MKX: variants seen among roughly 807,000 people sequenced by gnomAD.
The protein encoded by MKX is homeobox protein Mohawk.
In MKX, 13 loss-of-function variants were observed where a neutral mutation model predicts 36.0. The observed-to-expected ratio is 0.36, with a 90% CI of 0.24 to 0.57. The LOEUF (loss-of-function observed/expected upper bound fraction) is 0.57, where lower values mean the gene tolerates loss of function less well. Among genes scored for constraint, MKX ranks in the 20% least tolerant of loss-of-function variants. The pLI is 0.79. For missense variants in MKX, 458 were observed against 456.4 expected (o/e 1.00, Z -0.03); for synonymous variants, 176 against 178.3 (o/e 0.99, Z 0.10).
At chr10:27,713,623 C>G (rs1003891891) in intron 5 of MKX, among the ~76,000 whole-genome samples, 2 of 152,138 alleles carry the variant, frequency 1.3e-5, no homozygotes, top group Non-Finnish European at 2.9e-5. Flanking sequence ...GAATAATTAT[C>G]CTTATTTTTA....
intron 5 of MKX, among the ~76,000 whole-genome samples, chr10:27,693,753 G>A (rs1033435634): frequency 5.3e-5 from 8 of 152,010 alleles, no homozygotes; most frequent in African/African-American, 1.7e-4. Flanking sequence ...TACTTCTGGG[G>A]GATTAAAAGC....
At chr10:27,714,884 G>C (rs1836936410) in intron 5 of MKX, among the ~76,000 whole-genome samples, 1 of 152,160 alleles carries the variant, frequency 6.6e-6, no homozygotes, top group South Asian at 2.1e-4. Flanking sequence ...TATTTTCTGT[G>C]GATTTACAGA....
chr10:27,706,218 C>A (rs1319493992), intron 5 of MKX, among the ~76,000 whole-genome samples: 1 of 152,086 alleles, frequency 6.6e-6, no homozygotes, highest in Non-Finnish European at 1.5e-5. Context: ...TTTCCTTCCT[C>A]TTTAAGGCTG....
intron 5 of MKX, among the ~76,000 whole-genome samples, chr10:27,728,239 C>T (rs1331185516): frequency 6.6e-6 from 1 of 152,238 alleles, no homozygotes; most frequent in Non-Finnish European, 1.5e-5. Context: ...GGTAGACTTA[C>T]TGGTCAACAA....
At chr10:27,679,741 T>C (rs1387094308) in intron 5 of MKX, among the ~76,000 whole-genome samples, 2 of 152,092 alleles carry the variant, frequency 1.3e-5, no homozygotes, top group Admixed American at 1.3e-4. Context: ...TTTAGAGAAC[T>C]GATATCATTT....
chr10:27,728,721 C>T (rs1242879299), intron 5 of MKX, among the ~76,000 whole-genome samples: 1 of 152,154 alleles, frequency 6.6e-6, no homozygotes, highest in African/African-American at 2.4e-5. Context: ...AACTCATGAG[C>T]ATATCTAGAT....
At chr10:27,711,728 C>T (rs546181311) in intron 5 of MKX, among the ~76,000 whole-genome samples, 1 of 150,016 alleles carries the variant, frequency 6.7e-6, no homozygotes, top group African/African-American at 2.5e-5. Context: ...CGCCCACCGC[C>T]GTGCTCAGCT....
intron 5 of MKX, among the ~76,000 whole-genome samples, chr10:27,677,305 C>CTG (rs1836171152): frequency 6.6e-6 from 1 of 152,016 alleles, no homozygotes; most frequent in African/African-American, 2.4e-5. Context: ...CCTTTTACGC[C>CTG]CCCTGCCCCT....
At chr10:27,702,235 C>A (rs1836671391) in intron 5 of MKX, among the ~76,000 whole-genome samples, 1 of 152,164 alleles carries the variant, frequency 6.6e-6, no homozygotes, top group Admixed American at 6.5e-5. Flanking sequence ...GCTGGAAAAA[C>A]AACTTTCCCA....
Position 27,743,376 on chromosome 10 carries a change from G to A in MKX, c.40C>T (p.Leu14=). 6.4e-7 allele frequency: 1 copy of A among 1,573,584 alleles called. No homozygotes were observed. Among genetic ancestry groups the A allele is most frequent in the Admixed American group, 1.9e-5 (1 of 54,016 alleles). ...TCCGAGGCGCCTCCGTCCTCAAACA[G>A]CACCGCACCGCTGAGCTTGTTGAAG... The part of the protein sequence containing the change: ...IVFNKLSGAV[L]FEDGGASERE... The change falls in exon 2 of 7, where the codon CTG becomes TTG. Residue 14 remains leucine, a synonymous_variant. Coordinates refer to ENST00000419761, the MANE Select transcript of MKX (RefSeq NM_173576.3).
chr10:27,698,665 G>C (rs1001063969), intron 5 of MKX, among the ~76,000 whole-genome samples: 2 of 152,202 alleles, frequency 1.3e-5, no homozygotes, highest in Admixed American at 6.5e-5. Context: ...GATGTGTTGA[G>C]AGTATGTGGT....
chr10:27,678,855 T>G (rs1022400878), intron 5 of MKX, among the ~76,000 whole-genome samples: 2 of 152,172 alleles, frequency 1.3e-5, no homozygotes, highest in Non-Finnish European at 2.9e-5. Context: ...ATTATAAAAT[T>G]CTGCTTACTC....
chr10:27,676,471 AG>A (rs1164977872), intron 5 of MKX, among the ~76,000 whole-genome samples: 1 of 147,668 alleles, frequency 6.8e-6, no homozygotes, highest in East Asian at 2.0e-4. Context: ...TCCACCTCCC[AG>A]GTTCAAGCAA....
chr10:27,684,105 C>G (rs988360105), intron 5 of MKX, among the ~76,000 whole-genome samples: 1 of 151,800 alleles, frequency 6.6e-6, no homozygotes, highest in South Asian at 2.1e-4. Flanking sequence ...CTTGAGCCCA[C>G]GAGTTTGAGA....
rs200548669 is a variant in MKX, at chr10:27,743,237, C to T, written c.179G>A (p.Arg60Gln). 1.3e-6 allele frequency: 2 copies of T among 1,514,528 alleles called. No homozygotes were observed. The highest frequency in any genetic ancestry group is 8.8e-7 in the Non-Finnish European group (1 of 1,138,158). The allele number at this position is 1,514,528 out of a possible 1,614,324, so 93.8% of individuals were successfully genotyped here. ...PLKDNLGLRH[R>Q]RTGARQNGGK... ...AGGGGAGTGCGCATACCCGGTCCTC[C>T]GGTGTCTCAGGCCGAGGTTGTCCTT... The change falls in exon 2 of 7, where the codon CGG becomes CAG. Residue 60 changes from arginine to glutamine, a missense_variant. This residue lies in a region of MKX where 149 missense variants were observed against 114.3 expected (regional missense o/e 1.30). Transcript: ENST00000419761.
At chr10:27,724,222 T>C (rs1183755411) in intron 5 of MKX, among the ~76,000 whole-genome samples, 1 of 152,124 alleles carries the variant, frequency 6.6e-6, no homozygotes, top group Non-Finnish European at 1.5e-5. Flanking sequence ...GAACACAGTG[T>C]GTAAAAGATG....
intron 5 of MKX, among the ~76,000 whole-genome samples, chr10:27,688,576 C>T (rs1477032655): frequency 6.6e-6 from 1 of 152,162 alleles, no homozygotes; most frequent in African/African-American, 2.4e-5. Context: ...ATCCATGAAA[C>T]CTAGATTTCC....
At chr10:27,703,426 T>C (rs1677651981) in intron 5 of MKX, among the ~76,000 whole-genome samples, 1 of 152,018 alleles carries the variant, frequency 6.6e-6, no homozygotes, top group Non-Finnish European at 1.5e-5. Flanking sequence ...TGAGCAGGCA[T>C]TGATTGAAAC....
chr10:27,744,603 G>C lies in MKX; in HGVS notation c.-83+1104C>G, dbSNP rs1396359079. Among the ~76,000 whole-genome samples, 1 of 152,052 alleles carries C rather than the reference G, an allele frequency of 6.6e-6. No homozygotes were observed. The highest frequency in any genetic ancestry group is 2.4e-5 in the African/African-American group (1 of 41,416). On this transcript the variant is annotated intron_variant, in intron 1 of 6. Transcript: ENST00000419761. The surrounding 1 kb of genome is among the most constrained non-coding windows in gnomAD (Gnocchi z 5.6). ...GCCCCATCTCCTCGCCTCGCGCCTCGGGACAGCTCCCGTTTCCTCCGAGCG... is the reference window on the plus strand; with the variant it reads ...GCCCCATCTCCTCGCCTCGCGCCTCCGGACAGCTCCCGTTTCCTCCGAGCG...
Sources: gnomAD v4.1 joint callset for allele counts (sites outside exome capture counted in the v4.1 genomes callset) on GRCh38, gnomAD v4.1.1 for gene constraint, gnomAD v4.1.1 regional missense constraint, Gnocchi (gnomAD v3.1) non-coding constraint, MANE v1.5 for transcripts, NCBI Gene and HGNC (gene_info 2026-07-23, HGNC 2026-07-21) for gene names.